SAP25: variants seen among roughly 807,000 people sequenced by gnomAD.
SAP25 encodes histone deacetylase complex subunit SAP25.
In SAP25, 24 loss-of-function variants were observed where a neutral mutation model predicts 31.5. That is an observed-to-expected ratio of 0.76 (90% CI 0.55 to 1.07). The LOEUF (loss-of-function observed/expected upper bound fraction) is 1.07. Ranked by LOEUF, SAP25 falls within the 50% of genes least tolerant of loss-of-function variation. SAP25 has a pLI of 0.00. For synonymous variants in SAP25, 180 were observed against 186.0 expected, an observed-to-expected ratio of 0.97 and a Z score of 0.26; for missense variants, 377 against 418.8, an observed-to-expected ratio of 0.90 and a Z score of 0.87.
At position 100,573,392 on chromosome 7, in the gene SAP25, G is replaced by A. The variant is rs1801210761; in HGVS notation, c.155C>T (p.Pro52Leu). Residue 52 changes from proline (P) to leucine (L), a missense_variant, in exon 2 of 6, where the codon CCC becomes CTC. By Grantham distance (98) the Pro-to-Leu change is moderately conservative. Coordinates refer to ENST00000622764, the MANE Select transcript of SAP25 (RefSeq NM_001348680.2). ...LGTPPWDSPQ[P>L]PSRSPSWIWR... Reference sequence around the variant, plus strand: ...GATCCAGGAAGGGCTACGGGATGGGGGCTGTGGGCTGGAGGGGCAGGGACT... The same window carrying A: ...GATCCAGGAAGGGCTACGGGATGGGAGCTGTGGGCTGGAGGGGCAGGGACT... 1.5e-6 allele frequency: 2 copies of A among 1,355,398 alleles called. No homozygotes were observed. Among genetic ancestry groups the A allele is most frequent in the Non-Finnish European group, 1.9e-6 (2 of 1,050,876 alleles). 84.0% of individuals were successfully genotyped at this position (1,355,398 alleles called of 1,614,324 possible).
Position 100,573,765 on chromosome 7 carries a change from G to A in SAP25, c.-23C>T. ...CATTCCGCGTTCCCGAGCGCAGGAC[G>A]GTACCGCCGTGTCCCCGCCGCCCGG... is the stretch of plus-strand genomic sequence containing the variant. On this transcript the variant is annotated 5_prime_UTR_variant, in exon 1 of 6. Coordinates refer to ENST00000622764, the MANE Select transcript of SAP25 (RefSeq NM_001348680.2). 1 of 1,201,664 alleles carries A rather than the reference G, an allele frequency of 8.3e-7. No homozygotes were observed. Among genetic ancestry groups the A allele is most frequent in the Non-Finnish European group, 1.0e-6 (1 of 968,758 alleles). 74.4% of individuals were successfully genotyped at this position (1,201,664 alleles called of 1,614,324 possible).
Position 100,572,905 on chromosome 7 carries a change from G to T in SAP25, c.466C>A (p.Pro156Thr), listed in dbSNP as rs1418091049. Residue 156 changes from proline to threonine, a missense_variant, in exon 4 of 6, where the codon CCT (proline) becomes ACT (threonine). Coordinates refer to ENST00000622764, the MANE Select transcript of SAP25 (RefSeq NM_001348680.2). This position sits in a 1 kb window ranked among gnomAD's most constrained non-coding sequence, Gnocchi z 4.1. The stretch of plus-strand genomic sequence containing the variant: ...TGTCCATTCCAGTGCCCTGTGGCAG[G>T]GGCCACGGGCCTGAGACCCCTGCCC... ...ASGRGLRPVA[P>T]ATGHWNGQQA... 2.0e-6 allele frequency: 3 copies of T among 1,469,874 alleles called. No individual in the cohort carries two copies. In the South Asian group the frequency reaches 4.0e-5, roughly 20 times the overall value. The allele number at this position is 1,469,874 out of a possible 1,614,324, so 91.1% of individuals were successfully genotyped here.
Position 100,572,242 on chromosome 7 carries a change from ACT to A in SAP25, c.*43_*44del, listed in dbSNP as rs1801152787. 8.8e-6 allele frequency: 11 copies of A among 1,250,354 alleles called. No individual in the cohort carries two copies. The highest frequency in any genetic ancestry group is 3.1e-5 in the East Asian group (1 of 31,886). The allele number at this position is 1,250,354 out of a possible 1,614,324, so 77.5% of individuals were successfully genotyped here. On this transcript the variant is annotated 3_prime_UTR_variant, in exon 6 of 6. Transcript: ENST00000622764. The surrounding 1 kb of genome is among the most constrained non-coding windows in gnomAD (Gnocchi z 4.1). Reference sequence around the variant, plus strand: ...CACGGAGCCTGTTTTGCAAACCAACACTGTTTTATTGTCAACACAACCAGCCC... The same window carrying A: ...CACGGAGCCTGTTTTGCAAACCAACAGTTTTATTGTCAACACAACCAGCCC...
chr7:100,573,534 G>A (rs1210487732), intron 1 of SAP25, 63 bp downstream of exon 1: 20 of 1,223,202 alleles, frequency 1.6e-5, no homozygotes, highest in African/African-American at 1.6e-5. Flanking sequence ...TCCGTAGAGC[G>A]CGTGGTGAAG....
In SAP25 at chr7:100,573,290, G is replaced by A; in HGVS notation, c.250+7C>T. On this transcript the variant is annotated splice_region_variant and intron_variant, in intron 2 of 5. Coordinates refer to ENST00000622764, the MANE Select transcript of SAP25 (RefSeq NM_001348680.2). ...AGGGGTAGTAGAGGCAGCAGGGCCT[G>A]TCCTACCTGGGGCTCCGGGGGGCTG... is the stretch of plus-strand genomic sequence containing the variant. 1 of 1,402,150 alleles carries A rather than the reference G, an allele frequency of 7.1e-7. No homozygotes were observed. The highest frequency in any genetic ancestry group is 9.3e-7 in the Non-Finnish European group (1 of 1,076,240). 86.9% of individuals were successfully genotyped at this position (1,402,150 alleles called of 1,614,324 possible).
rs1801204710 is a variant in SAP25 at position 100,573,278 on chromosome 7, G to A, written c.250+19C>T. 2.8e-6 allele frequency: 4 copies of A among 1,423,126 alleles called. No homozygotes were observed. The East Asian group carries it at 1.0e-4, about 36-fold the overall frequency. 88.2% of individuals were successfully genotyped at this position (1,423,126 alleles called of 1,614,324 possible). A position where few individuals can be genotyped will look rare whatever the true frequency, so the allele number is the denominator to read the frequency against. On this transcript the variant is annotated intron_variant, in intron 2 of 5. Transcript: ENST00000622764. ...TGAGAGGCTCTTAGGGGTAGTAGAG[G>A]CAGCAGGGCCTGTCCTACCTGGGGC...
intron 1 of SAP25, 38 bp downstream of exon 1, chr7:100,573,559 A>G (rs909721244): frequency 1.6e-6 from 2 of 1,233,924 alleles, no homozygotes; most frequent in Middle Eastern, 6.2e-4. Flanking sequence ...GGAGGCCCCC[A>G]GTCGCTGTCC....
Position 100,572,328 on chromosome 7 carries a change from C to A in SAP25, c.853G>T (p.Asp285Tyr). The change falls in exon 6 of 6, where the codon GAC becomes TAC. Residue 285 changes from aspartate to tyrosine, a missense_variant. Coordinates refer to ENST00000622764, the MANE Select transcript of SAP25 (RefSeq NM_001348680.2). The surrounding 1 kb of genome is among the most constrained non-coding windows in gnomAD (Gnocchi z 4.1). ...TCTGGGGTCTGTGGGAGAGAGAGGTCAGCACCCTGAGAACTGCTGGGGCTA... is the reference window on the plus strand; with the variant it reads ...TCTGGGGTCTGTGGGAGAGAGAGGTAAGCACCCTGAGAACTGCTGGGGCTA... ...CGSPSSSQGA[D>Y]LSLPQTPDTH... 2 of 1,355,752 alleles carry A rather than the reference C, an allele frequency of 1.5e-6. No homozygotes were observed. Among genetic ancestry groups the A allele is most frequent in the Non-Finnish European group, 1.9e-6 (2 of 1,057,030 alleles). 84.0% of individuals were successfully genotyped at this position (1,355,752 alleles called of 1,614,324 possible).
At position 100,572,912 on chromosome 7, in the gene SAP25, G is replaced by A. The variant is rs964830361; in HGVS notation, c.459C>T (p.Pro153=). ...YEAASGRGLR[P]VAPATGHWNG... ...TCCAGTGCCCTGTGGCAGGGGCCACGGGCCTGAGACCCCTGCCCGAGGCTG... is the reference window on the plus strand; with the variant it reads ...TCCAGTGCCCTGTGGCAGGGGCCACAGGCCTGAGACCCCTGCCCGAGGCTG... Residue 153 remains proline, a synonymous_variant, in exon 4 of 6, where the codon CCC becomes CCT. Transcript: ENST00000622764. The surrounding 1 kb of genome is among the most constrained non-coding windows in gnomAD (Gnocchi z 4.1). The A allele has an allele frequency of 2.5e-5, 37 of 1,478,240 alleles. No individual in the cohort carries two copies. The highest frequency in any genetic ancestry group is 7.4e-5 in the East Asian group (3 of 40,360). 91.6% of individuals were successfully genotyped at this position (1,478,240 alleles called of 1,614,324 possible).
chr7:100,573,403 G>A lies in SAP25; in HGVS notation c.147-3C>T. ...GGCTACGGGATGGGGGCTGTGGGCT[G>A]GAGGGGCAGGGACTGAGGCTGCAGC... On this transcript the variant is annotated splice_polypyrimidine_tract_variant and splice_region_variant and intron_variant, in intron 1 of 5. Transcript: ENST00000622764. 7.5e-7 allele frequency: 1 copy of A among 1,329,262 alleles called. No individual in the cohort carries two copies. Among genetic ancestry groups the A allele is most frequent in the South Asian group, 2.0e-5 (1 of 48,880 alleles). 82.3% of individuals were successfully genotyped at this position (1,329,262 alleles called of 1,614,324 possible). A position where few individuals can be genotyped will look rare whatever the true frequency, so the allele number is the denominator to read the frequency against.
At chr7:100,573,506 A>G in intron 1 of SAP25, 91 bp downstream of exon 1, 2 of 1,216,638 alleles carry the variant, frequency 1.6e-6, no homozygotes, top group Non-Finnish European at 2.1e-6. Flanking sequence ...AATCTCCAGC[A>G]GGGACAATGG....
rs575059837 is a variant in SAP25 at position 100,572,987 on chromosome 7, C to G, written c.384G>C (p.Ser128=). Residue 128 remains serine, a synonymous_variant, in exon 4 of 6, where the codon TCG becomes TCC. Transcript: ENST00000622764. This position sits in a 1 kb window ranked among gnomAD's most constrained non-coding sequence, Gnocchi z 4.1. ...GGTGACACAGCGTCCGGCCTGAGAACGAGGCTCCTGAGCTACAGTTGGCCC... is the reference window on the plus strand; with the variant it reads ...GGTGACACAGCGTCCGGCCTGAGAAGGAGGCTCCTGAGCTACAGTTGGCCC... ...VWGANCSSGA[S]FSGRTLCHPS... 5 of 1,501,022 alleles carry G rather than the reference C, an allele frequency of 3.3e-6. No individual in the cohort carries two copies. In the South Asian group the frequency reaches 3.8e-5, roughly 11 times the overall value. The allele number at this position is 1,501,022 out of a possible 1,614,324, so 93.0% of individuals were successfully genotyped here. A position where few individuals can be genotyped will look rare whatever the true frequency, so the allele number is the denominator to read the frequency against.
chr7:100,573,559 A>T (rs909721244), intron 1 of SAP25, 38 bp downstream of exon 1: 1 of 1,233,924 alleles, frequency 8.1e-7, no homozygotes, highest in South Asian at 4.0e-5. Flanking sequence ...GGAGGCCCCC[A>T]GTCGCTGTCC....
At chr7:100,573,077 C>T (rs1801193629) in intron 3 of SAP25, 29 bp downstream of exon 3, 2 of 1,526,522 alleles carry the variant, frequency 1.3e-6, no homozygotes, top group Admixed American at 2.0e-5. Context: ...AGCACCCCAG[C>T]CAGTCCCACA....
In SAP25 at chr7:100,572,428, G is replaced by A. The variant is rs930761297; in HGVS notation, c.753C>T (p.Ser251=). 28 of 1,413,446 alleles carry A rather than the reference G, an allele frequency of 2.0e-5. No individual in the cohort carries two copies. Among genetic ancestry groups the A allele is most frequent in the African/African-American group, 2.9e-5 (2 of 68,590 alleles). The allele number at this position is 1,413,446 out of a possible 1,614,324, so 87.6% of individuals were successfully genotyped here. The change falls in exon 6 of 6, where the codon AGC becomes AGT. Residue 251 remains serine (S), a synonymous_variant. Transcript: ENST00000622764. The surrounding 1 kb of genome is among the most constrained non-coding windows in gnomAD (Gnocchi z 4.1). ...AGGAGCTGGGCCTAGGCTCCCCCTG[G>A]CTCATCTGCAGCAGGCCAGTGAGAG... is the stretch of plus-strand genomic sequence containing the variant. ...LIALTGLLQM[S]QGEPRPSSSA... is the part of the protein sequence containing the mutation.
Position 100,573,364 on chromosome 7 carries a change from C to T in SAP25, c.183G>A (p.Trp61Ter). 7.2e-7 allele frequency: 1 copy of T among 1,380,946 alleles called. No homozygotes were observed. Among genetic ancestry groups the T allele is most frequent in the Non-Finnish European group, 9.4e-7 (1 of 1,066,688 alleles). 85.5% of individuals were successfully genotyped at this position (1,380,946 alleles called of 1,614,324 possible). The change falls in exon 2 of 6, where the codon TGG (tryptophan) becomes TGA (stop). Residue 61 changes from tryptophan to a stop codon, truncating the protein, a stop_gained. Transcript: ENST00000622764. LOFTEE classifies it high-confidence loss of function. ...QPPSRSPSWI[W>*]REQLLLPHHL... ...GGTGGGGCAGCAGCAGCTGCTCTCT[C>T]CAGATCCAGGAAGGGCTACGGGATG...
chr7:100,572,373 C>G lies in SAP25; in HGVS notation c.808G>C (p.Asp270His). ...GGGCTACCACAGGGGCTGGGTGGGTCAGAGGTATGGTCTGGGGGGCCAACC... is the reference window on the plus strand; with the variant it reads ...GGGCTACCACAGGGGCTGGGTGGGTGAGAGGTATGGTCTGGGGGGCCAACC... ...SAVGPPDHTS[D>H]PPSPCGSPSS... The change falls in exon 6 of 6, where the codon GAC (aspartate) becomes CAC (histidine). Residue 270 changes from aspartate to histidine, a missense_variant. Coordinates refer to ENST00000622764, the MANE Select transcript of SAP25 (RefSeq NM_001348680.2). The surrounding 1 kb of genome is among the most constrained non-coding windows in gnomAD (Gnocchi z 4.1). 8 of 1,392,892 alleles carry G rather than the reference C, an allele frequency of 5.7e-6. No individual in the cohort carries two copies. Among genetic ancestry groups the G allele is most frequent in the Non-Finnish European group, 7.4e-6 (8 of 1,076,808 alleles). The allele number at this position is 1,392,892 out of a possible 1,614,324, so 86.3% of individuals were successfully genotyped here. A position where few individuals can be genotyped will look rare whatever the true frequency, so the allele number is the denominator to read the frequency against.
In SAP25 at chr7:100,573,830, G is replaced by A. The variant is rs1172265785; in HGVS notation, c.-88C>T. On this transcript the variant is annotated 5_prime_UTR_variant, in exon 1 of 6. The change creates a new upstream start codon in the 5' untranslated region. Coordinates refer to ENST00000622764, the MANE Select transcript of SAP25 (RefSeq NM_001348680.2). Reference sequence around the variant, plus strand: ...CCTCCCTCCGCGGCGCGGCGCGAACGTGCCCTCCTGGCGAACCCACCCCAG... The same window carrying A: ...CCTCCCTCCGCGGCGCGGCGCGAACATGCCCTCCTGGCGAACCCACCCCAG... 1 of 1,093,990 alleles carries A rather than the reference G, an allele frequency of 9.1e-7. No homozygotes were observed. Among genetic ancestry groups the A allele is most frequent in the Non-Finnish European group, 1.1e-6 (1 of 887,998 alleles). 67.8% of individuals were successfully genotyped at this position (1,093,990 alleles called of 1,614,324 possible).
At position 100,572,662 on chromosome 7, in the gene SAP25, G is replaced by A. The variant is rs1801173566; in HGVS notation, c.601C>T (p.Pro201Ser). The A allele has an allele frequency of 6.5e-7, 1 of 1,532,998 alleles. No individual in the cohort carries two copies. Among genetic ancestry groups the A allele is most frequent in the Non-Finnish European group, 8.7e-7 (1 of 1,145,550 alleles). 95.0% of individuals were successfully genotyped at this position (1,532,998 alleles called of 1,614,324 possible). ...QRVPLYLSKA[P>S]QQMMGSLKLL... ...GGGGAAAGAGCTCTCACCTGCTGGGGGGCCTTGGACAGGTACAGGGGAACA... is the reference window on the plus strand; with the variant it reads ...GGGGAAAGAGCTCTCACCTGCTGGGAGGCCTTGGACAGGTACAGGGGAACA... Residue 201 changes from proline (P) to serine (S), a missense_variant, in exon 5 of 6, where the codon CCC (proline) becomes TCC (serine). Coordinates refer to ENST00000622764, the MANE Select transcript of SAP25 (RefSeq NM_001348680.2). This position sits in a 1 kb window ranked among gnomAD's most constrained non-coding sequence, Gnocchi z 4.1.
Sources: gnomAD v4.1 joint callset for allele counts on GRCh38, gnomAD v4.1.1 for gene constraint, Gnocchi (gnomAD v3.1) non-coding constraint, MANE v1.5 for transcripts, NCBI Gene and HGNC (gene_info 2026-07-23, HGNC 2026-07-21) for gene names.